Variants in DLGAP1 observed in about 807,000 individuals in gnomAD.
The protein encoded by DLGAP1 is DLG associated protein 1, also known as disks large-associated protein 1.
DLGAP1 carries 11 observed loss-of-function variants against 90.8 expected under a neutral mutation model. That is an observed-to-expected ratio of 0.12 (90% CI 0.08 to 0.20). The LOEUF (loss-of-function observed/expected upper bound fraction) is 0.20. DLGAP1 is among the 10% of genes least tolerant of loss of function. The pLI is 1.00. For synonymous variants in DLGAP1, 558 were observed against 540.7 expected, an observed-to-expected ratio of 1.03 and a Z score of -0.44; for missense variants, 1,050 against 1,333.8, an observed-to-expected ratio of 0.79 and a Z score of 3.31.
At chr18:4,291,465 C>T (rs983009170) in intron 1 of DLGAP1, among the ~76,000 whole-genome samples, 2 of 152,134 alleles carry the variant, frequency 1.3e-5, no homozygotes, top group African/African-American at 4.8e-5. Context: ...TGAAAGCTAT[C>T]TTTCAAAATT....
intron 7 of DLGAP1, among the ~76,000 whole-genome samples, chr18:3,651,163 A>G (rs2059287135): frequency 6.6e-6 from 1 of 151,702 alleles, no homozygotes; most frequent in East Asian, 2.0e-4. Flanking sequence ...GATCGAGACC[A>G]TCCTGGCCAA....
chr18:4,156,661 GGA>G (rs2076761828), intron 1 of DLGAP1, among the ~76,000 whole-genome samples: 1 of 152,148 alleles, frequency 6.6e-6, no homozygotes, highest in Admixed American at 6.5e-5. Context: ...TGTTTGGATA[GGA>G]GATGAAAGGT....
At position 4,294,960 on chromosome 18, in the gene DLGAP1, C is replaced by A. The variant is rs116709019; in HGVS notation, c.-266-143673G>T. 3.4e-3 allele frequency: 514 copies of A among 152,748 alleles called. 1 individual carries two copies. The highest frequency in any genetic ancestry group is 0.011 in the African/African-American group (476 of 41,566). The allele number at this position is 152,748 out of a possible 1,614,324, so 9.5% of individuals were successfully genotyped here. A position where few individuals can be genotyped will look rare whatever the true frequency, so the allele number is the denominator to read the frequency against. On this transcript the variant is annotated intron_variant, in intron 1 of 12. Transcript: ENST00000315677. Reference sequence around the variant, plus strand: ...AGTCCTTCTCTTCTTTCCTCTGCTGCATTGTTCTGCCATCCAGTTTGCTAA... The same window carrying A: ...AGTCCTTCTCTTCTTTCCTCTGCTGAATTGTTCTGCCATCCAGTTTGCTAA...
At chr18:4,384,419 C>T (rs770061271) in intron 1 of DLGAP1, among the ~76,000 whole-genome samples, 1 of 152,104 alleles carries the variant, frequency 6.6e-6, no homozygotes, top group African/African-American at 2.4e-5. Flanking sequence ...TCATGTGGAA[C>T]CATCCAGTCC....
At chr18:4,134,236 C>G (rs1411882349) in intron 2 of DLGAP1, among the ~76,000 whole-genome samples, 1 of 151,988 alleles carries the variant, frequency 6.6e-6, no homozygotes, top group Admixed American at 6.6e-5. Context: ...TTGCATCCTC[C>G]CCAGCTAATT....
chr18:3,809,008 C>G (rs1269307907), intron 5 of DLGAP1, among the ~76,000 whole-genome samples: 5 of 152,212 alleles, frequency 3.3e-5, no homozygotes, highest in African/African-American at 1.2e-4. Flanking sequence ...CACTACTCTA[C>G]TGTGCCTTGT....
At chr18:3,959,212 T>C (rs74371498) in intron 3 of DLGAP1, among the ~76,000 whole-genome samples, 1,697 of 152,216 alleles carry the variant, frequency 0.011, 34 homozygotes, top group African/African-American at 0.039. Flanking sequence ...TTCTGCTCAA[T>C]ATTTTAAGAC....
chr18:4,244,539 A>G (rs1304259846), intron 1 of DLGAP1, among the ~76,000 whole-genome samples: 1 of 152,210 alleles, frequency 6.6e-6, no homozygotes, highest in Non-Finnish European at 1.5e-5. Context: ...AATGAGAACT[A>G]TGAGTTGCCA....
At chr18:3,851,766 T>G (rs141413863) in intron 4 of DLGAP1, among the ~76,000 whole-genome samples, 21 of 152,240 alleles carry the variant, frequency 1.4e-4, no homozygotes, top group African/African-American at 1.9e-4. Flanking sequence ...CAAAAAAGAT[T>G]AAAAGCATAA....
intron 2 of DLGAP1, among the ~76,000 whole-genome samples, chr18:4,044,642 G>A (rs1338820989): frequency 6.6e-6 from 1 of 152,296 alleles, no homozygotes; most frequent in Non-Finnish European, 1.5e-5. Context: ...TCTGGAGGCT[G>A]AGGCAGGAGA....
At chr18:4,330,880 T>TC (rs1473947977) in intron 1 of DLGAP1, among the ~76,000 whole-genome samples, 2 of 151,856 alleles carry the variant, frequency 1.3e-5, no homozygotes, top group Non-Finnish European at 2.9e-5. Context: ...GTTCAAGTCT[T>TC]CTATACTCTT....
chr18:4,088,432 T>C (rs202081536), intron 2 of DLGAP1, among the ~76,000 whole-genome samples: 46,718 of 150,034 alleles, frequency 0.31, 7,239 homozygotes, highest in East Asian at 0.34. Flanking sequence ...TTTTCCTTTG[T>C]GTGTGTGTGT....
intron 2 of DLGAP1, among the ~76,000 whole-genome samples, chr18:4,112,351 T>C (rs2075989501): frequency 6.6e-6 from 1 of 152,272 alleles, no homozygotes; most frequent in African/African-American, 2.4e-5. Flanking sequence ...ATGGTCTACC[T>C]TGGAAAATGT....
chr18:3,859,617 T>C (rs188178952), intron 4 of DLGAP1, among the ~76,000 whole-genome samples: 51 of 152,102 alleles, frequency 3.4e-4, no homozygotes, highest in African/African-American at 1.1e-3. Flanking sequence ...GGTGATGCAA[T>C]TGCTGGCTTT....
intron 1 of DLGAP1, among the ~76,000 whole-genome samples, chr18:4,329,160 G>C (rs1030594083): frequency 2.0e-5 from 3 of 151,732 alleles, no homozygotes; most frequent in Non-Finnish European, 4.4e-5. Context: ...ATAGTTTATA[G>C]CTCTATAAAC....
chr18:3,953,874 C>T (rs907174966), intron 3 of DLGAP1, among the ~76,000 whole-genome samples: 2 of 152,146 alleles, frequency 1.3e-5, no homozygotes, highest in African/African-American at 4.8e-5. Context: ...TCTTTTATGG[C>T]ATCTCTAAAC....
intron 1 of DLGAP1, among the ~76,000 whole-genome samples, chr18:4,312,859 G>A (rs2080435166): frequency 6.6e-6 from 1 of 152,050 alleles, no homozygotes; most frequent in South Asian, 2.1e-4. Context: ...CATAGCCTTA[G>A]AAAATTTGTT....
At chr18:3,883,576 T>C (rs1355888511) in intron 3 of DLGAP1, among the ~76,000 whole-genome samples, 1 of 152,260 alleles carries the variant, frequency 6.6e-6, no homozygotes, top group African/African-American at 2.4e-5. Flanking sequence ...AGTGCTATCC[T>C]AGTGGATAGT....
At chr18:3,548,489 G>T (rs1020953995) in intron 9 of DLGAP1, among the ~76,000 whole-genome samples, 6 of 151,820 alleles carry the variant, frequency 4.0e-5, no homozygotes, top group African/African-American at 1.4e-4. Flanking sequence ...AGCTAGCCGG[G>T]CACAGTGGCT....
Sources: allele counts gnomAD v4.1 joint callset (sites outside exome capture counted in the v4.1 genomes callset), GRCh38; gene constraint gnomAD v4.1.1; transcripts MANE v1.5; gene names NCBI Gene and HGNC (gene_info 2026-07-23, HGNC 2026-07-21).